PLXDC2: variants seen among roughly 807,000 people sequenced by gnomAD.
PLXDC2 encodes the protein plexin domain containing 2, also known as plexin domain-containing protein 2.
A neutral mutation model predicts 68.9 loss-of-function variants in PLXDC2; 40 were observed. The ratio of observed to expected loss-of-function variants is 0.58; its 90% confidence interval spans 0.45 to 0.76. PLXDC2 has a LOEUF of 0.76. Ranked by LOEUF, PLXDC2 falls within the 30% of genes least tolerant of loss-of-function variation. PLXDC2 has a pLI of 0.00. For synonymous variants in PLXDC2, 243 were observed against 234.2 expected (o/e 1.04, Z -0.34); for missense variants, 644 against 661.9 (o/e 0.97, Z 0.30).
intron 13 of PLXDC2, among the ~76,000 whole-genome samples, chr10:20,264,975 T>C (rs1461988567): frequency 6.6e-6 from 1 of 152,098 alleles, no homozygotes; most frequent in African/African-American, 2.4e-5. Flanking sequence ...CGCTGGATGA[T>C]ATTAAAGAAA....
chr10:20,018,483 A>G (rs1440976923), intron 2 of PLXDC2, among the ~76,000 whole-genome samples: 2 of 152,214 alleles, frequency 1.3e-5, no homozygotes, highest in Non-Finnish European at 1.5e-5. Context: ...TCTCATCTCC[A>G]CTAGTGATTT....
chr10:20,116,606 G>A (rs1300743676), intron 4 of PLXDC2, among the ~76,000 whole-genome samples: 1 of 152,136 alleles, frequency 6.6e-6, no homozygotes, highest in Non-Finnish European at 1.5e-5. Context: ...ATTTAATGAA[G>A]TAACATTAGA....
intron 1 of PLXDC2, among the ~76,000 whole-genome samples, chr10:19,994,985 C>A (rs1219854986): frequency 6.6e-6 from 1 of 151,680 alleles, no homozygotes; most frequent in Non-Finnish European, 1.5e-5. Flanking sequence ...CTCAGGAGAT[C>A]CACCCACCTC....
intron 9 of PLXDC2, among the ~76,000 whole-genome samples, chr10:20,188,898 A>G (rs1834721130): frequency 6.6e-6 from 1 of 151,756 alleles, no homozygotes; most frequent in Non-Finnish European, 1.5e-5. Flanking sequence ...AAAGAAATTT[A>G]AGGAGGTTCT....
intron 3 of PLXDC2, among the ~76,000 whole-genome samples, chr10:20,066,527 G>C (rs1247556264): frequency 6.6e-6 from 1 of 152,198 alleles, no homozygotes; most frequent in Non-Finnish European, 1.5e-5. Flanking sequence ...ACATCTTTGA[G>C]ATAAATGATC....
chr10:20,241,909 A>G (rs1408507620), intron 12 of PLXDC2, among the ~76,000 whole-genome samples: 2 of 152,136 alleles, frequency 1.3e-5, no homozygotes, highest in African/African-American at 2.4e-5. Flanking sequence ...AACCCCAGAA[A>G]TAGAATCAGA....
At chr10:20,208,854 C>A (rs993205313) in intron 9 of PLXDC2, among the ~76,000 whole-genome samples, 7 of 151,778 alleles carry the variant, frequency 4.6e-5, no homozygotes, top group Non-Finnish European at 1.0e-4. Flanking sequence ...GCTGGGTGTC[C>A]GGGGGAGACA....
chr10:20,176,940 G>A, intron 7 of PLXDC2, 59 bp from the exon 8 acceptor site: 1 of 1,238,266 alleles, frequency 8.1e-7, no homozygotes, highest in Non-Finnish European at 1.2e-6. Flanking sequence ...TTATTAAAAT[G>A]CTGTTGTTTT....
At chr10:19,932,984 A>C (rs1016998081) in intron 1 of PLXDC2, among the ~76,000 whole-genome samples, 1 of 152,168 alleles carries the variant, frequency 6.6e-6, no homozygotes, top group African/African-American at 2.4e-5. Flanking sequence ...TGCCACACAT[A>C]AAATTTCCCT....
At chr10:20,115,614 A>G (rs1390749102) in intron 4 of PLXDC2, among the ~76,000 whole-genome samples, 4 of 152,202 alleles carry the variant, frequency 2.6e-5, no homozygotes, top group African/African-American at 9.7e-5. Context: ...GACAATGGCA[A>G]TGTAAGAAAT....
chr10:20,007,884 T>C (rs750606602), intron 2 of PLXDC2, among the ~76,000 whole-genome samples: 43 of 152,230 alleles, frequency 2.8e-4, no homozygotes, highest in Non-Finnish European at 8.8e-5. Flanking sequence ...ATTCTCATTC[T>C]GGTACCTAAT....
intron 4 of PLXDC2, among the ~76,000 whole-genome samples, chr10:20,070,333 C>A (rs907295651): frequency 6.6e-6 from 1 of 152,106 alleles, no homozygotes; most frequent in Non-Finnish European, 1.5e-5. Context: ...AATATTGAAG[C>A]CCTTGGTGAT....
chr10:20,146,697 T>G (rs1484819011), intron 5 of PLXDC2, among the ~76,000 whole-genome samples: 1 of 152,108 alleles, frequency 6.6e-6, no homozygotes, highest in East Asian at 1.9e-4. Context: ...AGAAATACAT[T>G]TCTTTACTTC....
intron 1 of PLXDC2, among the ~76,000 whole-genome samples, chr10:19,937,544 GTATATATATATA>G (rs71388881): frequency 0.03 from 2,852 of 95,978 alleles, 97 homozygotes; most frequent in African/African-American, 0.062. Flanking sequence ...TATAGTCAAT[GTATATATATATA>G]TATATATATA....
At chr10:20,067,234 A>G (rs1373034874) in intron 3 of PLXDC2, among the ~76,000 whole-genome samples, 1 of 152,194 alleles carries the variant, frequency 6.6e-6, no homozygotes, top group Non-Finnish European at 1.5e-5. Flanking sequence ...CAAAGGGTGC[A>G]ATCCAGGAAC....
At chr10:20,154,278 C>G (rs1328986646) in intron 6 of PLXDC2, among the ~76,000 whole-genome samples, 2 of 152,050 alleles carry the variant, frequency 1.3e-5, no homozygotes, top group Admixed American at 1.3e-4. Flanking sequence ...ACATTTTATT[C>G]CAATGGCCGG....
rs986879482 is a variant in PLXDC2 at position 19,890,717 on chromosome 10, G to A, written c.112+73526G>A. ...TTTTTTTTTTTTTTAAATCAAGAAC[G>A]GCTAAACCCCACATTTTAAACTGAA... On this transcript the variant is annotated intron_variant, in intron 1 of 13. Coordinates refer to ENST00000377252, the MANE Select transcript of PLXDC2 (RefSeq NM_032812.9). Among the ~76,000 whole-genome samples the A allele has an allele frequency of 9.2e-5, 12 of 129,844 alleles. 1 individual carries two copies. The South Asian group carries it at 3.0e-3, about 33-fold the overall frequency. 85.2% of individuals were successfully genotyped at this position (129,844 alleles called of 152,430 possible).
intron 3 of PLXDC2, among the ~76,000 whole-genome samples, chr10:20,051,387 A>G (rs1835895636): frequency 7.3e-6 from 1 of 137,900 alleles, no homozygotes; most frequent in African/African-American, 2.7e-5. Context: ...ACCCTAAAAT[A>G]AAGGTTAAAT....
chr10:19,823,498 A>T (rs12779736), intron 1 of PLXDC2, among the ~76,000 whole-genome samples: 1 of 151,348 alleles, frequency 6.6e-6, no homozygotes, highest in Admixed American at 6.6e-5. Context: ...CCTGGCCAAC[A>T]TGGTGAAACC....
Sources: gnomAD v4.1 joint callset for allele counts (sites outside exome capture counted in the v4.1 genomes callset) on GRCh38, gnomAD v4.1.1 for gene constraint, MANE v1.5 for transcripts, NCBI Gene and HGNC (gene_info 2026-07-23, HGNC 2026-07-21) for gene names.